IQSEC1: variants seen among roughly 807,000 people sequenced by gnomAD.
IQSEC1 encodes the protein IQ motif and Sec7 domain ArfGEF 1.
IQSEC1 carries 31 observed loss-of-function variants against 91.0 expected under a neutral mutation model. That is an observed-to-expected ratio of 0.34 (90% CI 0.26 to 0.46). The LOEUF is 0.46. Ranked by LOEUF, IQSEC1 falls within the 20% of genes least tolerant of loss-of-function variation. The pLI, the probability that IQSEC1 is intolerant of heterozygous loss-of-function variation, is 1.00. For missense variants in IQSEC1, 1,388 were observed against 1,575.6 expected, an observed-to-expected ratio of 0.88 and a Z score of 2.02; for synonymous variants, 699 against 662.6, an observed-to-expected ratio of 1.05 and a Z score of -0.84.
At chr3:13,227,462 T>C (rs1165728056) in intron 1 of IQSEC1, among the ~76,000 whole-genome samples, 1 of 146,668 alleles carries the variant, frequency 6.8e-6, no homozygotes, top group Admixed American at 6.8e-5. Flanking sequence ...CATGTTCTAG[T>C]GGGGACACTG....
At chr3:13,140,706 G>T (rs1031457407) in intron 2 of IQSEC1, among the ~76,000 whole-genome samples, 6 of 152,214 alleles carry the variant, frequency 3.9e-5, no homozygotes, top group Non-Finnish European at 7.3e-5. Flanking sequence ...AATGCTGAGT[G>T]ACAGATAAGC....
chr3:13,213,458 C>A (rs891089034), intron 1 of IQSEC1, among the ~76,000 whole-genome samples: 2 of 152,060 alleles, frequency 1.3e-5, no homozygotes, highest in Non-Finnish European at 2.9e-5. Flanking sequence ...TTGTGGGATC[C>A]CCTACTTTGT....
intron 1 of IQSEC1, among the ~76,000 whole-genome samples, chr3:12,969,967 G>C (rs1466217024): frequency 3.3e-5 from 5 of 152,218 alleles, no homozygotes; most frequent in Non-Finnish European, 5.9e-5. Flanking sequence ...AGCAAGAAAA[G>C]TTCCAGCCTA....
intron 1 of IQSEC1, among the ~76,000 whole-genome samples, chr3:13,201,031 A>G (rs1367698375): frequency 6.6e-6 from 1 of 152,204 alleles, no homozygotes; most frequent in Non-Finnish European, 1.5e-5. Flanking sequence ...CTTCAATGAC[A>G]AGCAGCTGCA....
chr3:13,044,831 C>A (rs360736), intron 1 of IQSEC1, among the ~76,000 whole-genome samples: 142,804 of 152,366 alleles, frequency 0.94, 66,985 homozygotes, highest in East Asian at 0.98. Context: ...CCTCCAGAAC[C>A]TCCGAAGGCT....
At chr3:13,088,342 C>T (rs1026014532) in intron 2 of IQSEC1, among the ~76,000 whole-genome samples, 2 of 152,186 alleles carry the variant, frequency 1.3e-5, no homozygotes, top group Admixed American at 6.5e-5. Flanking sequence ...CCTCTGCTCA[C>T]TGCAGGGCTG....
intron 1 of IQSEC1, among the ~76,000 whole-genome samples, chr3:13,040,521 G>A (rs1375872794): frequency 1.3e-5 from 2 of 152,172 alleles, no homozygotes; most frequent in Non-Finnish European, 1.5e-5. Context: ...TAGAGCCTGA[G>A]CCACGCCTCT....
intron 2 of IQSEC1, among the ~76,000 whole-genome samples, chr3:13,128,462 A>G (rs542493985): frequency 6.6e-6 from 1 of 152,352 alleles, no homozygotes; most frequent in East Asian, 1.9e-4. Flanking sequence ...AGTGGGTTAC[A>G]TTAATTTTAA....
chr3:13,078,097 C>T (rs565093196), upstream of IQSEC1, among the ~76,000 whole-genome samples: 20 of 152,296 alleles, frequency 1.3e-4, no homozygotes, highest in African/African-American at 4.3e-4. Context: ...TCACGCTGCA[C>T]GGGGCCACGC....
chr3:12,906,724 A>G (rs1452855326), intron 12 of IQSEC1, among the ~76,000 whole-genome samples: 6 of 152,342 alleles, frequency 3.9e-5, no homozygotes, highest in African/African-American at 1.4e-4. Context: ...GCTCTGGCAG[A>G]GGGTGGACAG....
At chr3:13,079,772 C>T (rs886879304) in intron 2 of IQSEC1, among the ~76,000 whole-genome samples, 7 of 152,160 alleles carry the variant, frequency 4.6e-5, no homozygotes, top group African/African-American at 1.4e-4. Flanking sequence ...CAGAACCAAA[C>T]GTTCTAATGC....
chr3:13,192,292 C>T (rs1275716819), intron 1 of IQSEC1, among the ~76,000 whole-genome samples: 2 of 149,594 alleles, frequency 1.3e-5, no homozygotes, highest in African/African-American at 2.5e-5. Context: ...GAGTCGAGAT[C>T]GCACCACTGC....
intron 1 of IQSEC1, among the ~76,000 whole-genome samples, chr3:12,961,124 G>T (rs1280369358): frequency 6.6e-6 from 1 of 152,240 alleles, no homozygotes; most frequent in Non-Finnish European, 1.5e-5. Flanking sequence ...CTGAGGCCAG[G>T]CTCTGCAGCT....
At chr3:12,951,445 C>A (rs1185274348) in intron 1 of IQSEC1, among the ~76,000 whole-genome samples, 15 of 143,718 alleles carry the variant, frequency 1.0e-4, no homozygotes, top group Non-Finnish European at 9.1e-5. Flanking sequence ...ACCTCTATCT[C>A]AAAAAAAAAA....
chr3:13,274,597 C>A (rs76538719), intron 1 of IQSEC1, among the ~76,000 whole-genome samples: 4 of 152,204 alleles, frequency 2.6e-5, no homozygotes, highest in Non-Finnish European at 5.9e-5. Context: ...CCCTCCCCTG[C>A]GACCACATGT....
At chr3:12,988,924 C>G (rs572522685) in intron 1 of IQSEC1, among the ~76,000 whole-genome samples, 2 of 152,294 alleles carry the variant, frequency 1.3e-5, no homozygotes, top group East Asian at 3.9e-4. Context: ...ATCTTGCTCT[C>G]TTATGTCACA....
chr3:13,069,486 G>T (rs917162453), intron 1 of IQSEC1, among the ~76,000 whole-genome samples: 3 of 152,176 alleles, frequency 2.0e-5, no homozygotes, highest in Admixed American at 6.5e-5. Context: ...CTTCATGAAG[G>T]CCCCACTGCA....
In IQSEC1 at chr3:13,193,945, C is replaced by T. The variant is rs976147035; in HGVS notation, c.273-29812G>A. Among the ~76,000 whole-genome samples the T allele has an allele frequency of 3.3e-5, 5 of 152,196 alleles. No individual in the cohort carries two copies. Among genetic ancestry groups the T allele is most frequent in the African/African-American group, 9.7e-5 (4 of 41,444 alleles). ...CCTCACAGCTCTGGAGCCTGGAATT[C>T]GGAAAGCAAGGCTTTGGTTGGCAAG... On this transcript the variant is annotated intron_variant, in intron 1 of 15. Transcript: ENST00000648114. This position sits in a 1 kb window ranked among gnomAD's most constrained non-coding sequence, Gnocchi z 4.2.
At chr3:12,974,992 C>T (rs1468255283) in intron 1 of IQSEC1, among the ~76,000 whole-genome samples, 1 of 152,266 alleles carries the variant, frequency 6.6e-6, no homozygotes, top group Admixed American at 6.5e-5. Context: ...GCAGATATCC[C>T]AGCCCCGCTA....
Sources: allele counts gnomAD v4.1 joint callset (sites outside exome capture counted in the v4.1 genomes callset), GRCh38; gene constraint gnomAD v4.1.1; non-coding constraint Gnocchi (gnomAD v3.1); transcripts MANE v1.5; gene names NCBI Gene and HGNC (gene_info 2026-07-23, HGNC 2026-07-21).